KCNV2: variants seen among roughly 807,000 people sequenced by gnomAD.
The protein encoded by KCNV2 is potassium voltage-gated channel modifier subfamily V member 2.
Under a neutral mutation model 37.0 loss-of-function variants are expected in KCNV2, and 65 were observed. The observed-to-expected ratio is 1.76, with a 90% CI of 1.44 to 2.16. The LOEUF (loss-of-function observed/expected upper bound fraction) is 2.16. Among genes scored for constraint, KCNV2 ranks in the 30% most tolerant of loss-of-function variants. KCNV2 has a pLI of 0.00. For missense variants in KCNV2, 1,232 were observed against 766.7 expected (o/e 1.61, Z -7.17); for synonymous variants, 518 against 328.6 (o/e 1.58, Z -6.23).
intron 1 of KCNV2, among the ~76,000 whole-genome samples, chr9:2,724,383 A>C (rs1819935038): frequency 6.6e-6 from 1 of 152,230 alleles, no homozygotes; most frequent in Non-Finnish European, 1.5e-5. Flanking sequence ...TCAGGAAAAT[A>C]GATACCAAGG....
At chr9:2,719,185 G>A in intron 1 of KCNV2, 90 bp downstream of exon 1, 3 of 1,465,078 alleles carry the variant, frequency 2.0e-6, no homozygotes, top group Admixed American at 1.8e-5. Flanking sequence ...CCAGGCTTTG[G>A]CTTCTGATCC....
chr9:2,723,037 C>T (rs1283659135), intron 1 of KCNV2, among the ~76,000 whole-genome samples: 1 of 152,182 alleles, frequency 6.6e-6, no homozygotes, highest in Non-Finnish European at 1.5e-5. Flanking sequence ...GCCCACCCAC[C>T]ATAGGAGGGC....
chr9:2,718,632 T>G lies in KCNV2; in HGVS notation c.893T>G (p.Leu298Arg). 6.2e-7 allele frequency: 1 copy of G among 1,613,176 alleles called. No homozygotes were observed. Among genetic ancestry groups the G allele is most frequent in the Non-Finnish European group, 8.5e-7 (1 of 1,179,800 alleles). Residue 298 changes from leucine to arginine, a missense_variant, in exon 1 of 2, where the codon CTG becomes CGG. By Grantham distance (102) the Leu-to-Arg change is moderately radical. Coordinates refer to ENST00000382082, the MANE Select transcript of KCNV2 (RefSeq NM_133497.4). ...HSGQGEGGPD[L>R]RPILEHVEML... ...GGGCAGGGCGAGGGCGGCCCAGACC[T>G]GCGGCCCATCCTGGAGCACGTGGAG... is the stretch of plus-strand genomic sequence containing the variant.
chr9:2,720,813 T>C (rs1361505855), intron 1 of KCNV2, among the ~76,000 whole-genome samples: 2 of 152,236 alleles, frequency 1.3e-5, no homozygotes, highest in Non-Finnish European at 2.9e-5. Context: ...TGATAAAAGT[T>C]ATGTTACTTT....
At chr9:2,725,701 AAG>A (rs1423804484) in intron 1 of KCNV2, among the ~76,000 whole-genome samples, 2 of 152,032 alleles carry the variant, frequency 1.3e-5, no homozygotes, top group Admixed American at 1.3e-4. Flanking sequence ...GGAAAACAGA[AAG>A]AGTGTTATTT....
At position 2,718,933 on chromosome 9, in the gene KCNV2, T is replaced by C. The variant is rs761237693; in HGVS notation, c.1194T>C (p.Arg398=). Residue 398 remains arginine, a synonymous_variant, in exon 1 of 2, where the codon CGT becomes CGC. Coordinates refer to ENST00000382082, the MANE Select transcript of KCNV2 (RefSeq NM_133497.4). ...LKLARHSTGL[R]AFGFTLRQCY... is the part of the protein sequence containing the mutation. ...TGGCGCGCCACTCCACCGGACTGCG[T>C]GCCTTCGGCTTCACGCTGCGCCAGT... 1 of 1,609,532 alleles carries C rather than the reference T, an allele frequency of 6.2e-7. No individual in the cohort carries two copies. The highest frequency in any genetic ancestry group is 1.3e-5 in the African/African-American group (1 of 75,076).
intron 1 of KCNV2, chr9:2,720,520 T>C (rs1819847383): frequency 6.6e-6 from 1 of 152,214 alleles, no homozygotes; most frequent in Non-Finnish European, 1.5e-5. Context: ...TTCCAAGTGA[T>C]GAAAGGTCAT....
chr9:2,721,550 T>G (rs561174829), intron 1 of KCNV2, among the ~76,000 whole-genome samples: 1 of 152,180 alleles, frequency 6.6e-6, no homozygotes, highest in Non-Finnish European at 1.5e-5. Context: ...TAGGACCAAT[T>G]TGTCATATAA....
Position 2,718,995 on chromosome 9 carries a change from C to A in KCNV2, c.1256C>A (p.Ala419Asp). ...GTGGGCTGCCTGCTGCTCTTCATCG[C>A]CATGGGCATCTTCACTTTCTCTGCG... is the stretch of plus-strand genomic sequence containing the variant. ...QQVGCLLLFI[A>D]MGIFTFSAAV... The change falls in exon 1 of 2, where the codon GCC becomes GAC. Residue 419 changes from alanine to aspartate, a missense_variant. Physicochemically the swap from Ala to Asp is moderately radical, Grantham distance 126. Coordinates refer to ENST00000382082, the MANE Select transcript of KCNV2 (RefSeq NM_133497.4). The A allele has an allele frequency of 5.0e-6, 8 of 1,612,520 alleles. No homozygotes were observed. Among genetic ancestry groups the A allele is most frequent in the Non-Finnish European group, 6.8e-6 (8 of 1,180,034 alleles).
At position 2,727,136 on chromosome 9, in the gene KCNV2, C is replaced by A. The variant is rs960844378; in HGVS notation, c.1357-2310C>A. The stretch of plus-strand genomic sequence containing the variant: ...TAAACTTTCATCCAGAGGTGTGAGT[C>A]ATGGTGTTAGTGACAAATGAAAGCT... On this transcript the variant is annotated intron_variant, in intron 1 of 1. Transcript: ENST00000382082. Among the ~76,000 whole-genome samples, 3 of 152,102 alleles carry A rather than the reference C, an allele frequency of 2.0e-5. No homozygotes were observed. In the East Asian group the frequency reaches 5.8e-4, roughly 29 times the overall value.
At position 2,730,006 on chromosome 9, in the gene KCNV2, G is replaced by A. The variant is rs746989765; in HGVS notation, c.*279G>A. On this transcript the variant is annotated 3_prime_UTR_variant, in exon 2 of 2. Coordinates refer to ENST00000382082, the MANE Select transcript of KCNV2 (RefSeq NM_133497.4). ...TAGATTTTTCTTGTAGCTTCTCGTG[G>A]CATCTAGCTCAATAAATATTTTTGG... 2 of 404,330 alleles carry A rather than the reference G, an allele frequency of 4.9e-6. No individual in the cohort carries two copies. The allele number at this position is 404,330 out of a possible 1,614,324, so 25.0% of individuals were successfully genotyped here. A position where few individuals can be genotyped will look rare whatever the true frequency, so the allele number is the denominator to read the frequency against.
At chr9:2,724,849 A>G (rs943657486) in intron 1 of KCNV2, among the ~76,000 whole-genome samples, 1 of 152,238 alleles carries the variant, frequency 6.6e-6, no homozygotes, top group African/African-American at 2.4e-5. Context: ...CTGGAATTAT[A>G]AAATAAAATA....
intron 1 of KCNV2, among the ~76,000 whole-genome samples, chr9:2,724,397 A>G (rs561771197): frequency 6.6e-6 from 1 of 152,364 alleles, no homozygotes; most frequent in South Asian, 2.1e-4. Flanking sequence ...ACCAAGGTGA[A>G]TATTTCAAAC....
At chr9:2,720,674 G>A (rs1313160614) in intron 1 of KCNV2, 1 of 152,198 alleles carries the variant, frequency 6.6e-6, no homozygotes. Context: ...ACACTTGAGA[G>A]TCAAATTTCT....
chr9:2,718,079 G>A lies in KCNV2; in HGVS notation c.340G>A (p.Glu114Lys), dbSNP rs746873819. ...GGHSYQLDYC[E>K]LAGFPKTRLG... is the part of the protein sequence containing the mutation. ...CCACAGCTACCAGCTGGACTACTGC[G>A]AGCTGGCCGGCTTCCCCAAGACGCG... Residue 114 changes from glutamate to lysine, a missense_variant, in exon 1 of 2, where the codon GAG (glutamate) becomes AAG (lysine). Glu to Lys is a moderately conservative substitution (Grantham distance 56). Transcript: ENST00000382082. The A allele has an allele frequency of 1.6e-5, 26 of 1,601,268 alleles. No homozygotes were observed. Among genetic ancestry groups the A allele is most frequent in the South Asian group, 3.3e-5 (3 of 89,698 alleles).
At chr9:2,727,069 T>G (rs1819980375) in intron 1 of KCNV2, among the ~76,000 whole-genome samples, 1 of 152,146 alleles carries the variant, frequency 6.6e-6, no homozygotes, top group Admixed American at 6.5e-5. Context: ...CACTCACTCC[T>G]AAATCCAAAC....
chr9:2,729,983 G>C lies in KCNV2; in HGVS notation c.*256G>C. 4.4e-6 allele frequency: 2 copies of C among 456,756 alleles called. No individual in the cohort carries two copies. The highest frequency in any genetic ancestry group is 7.8e-6 in the Non-Finnish European group (2 of 256,464). The allele number at this position is 456,756 out of a possible 1,614,324, so 28.3% of individuals were successfully genotyped here. On this transcript the variant is annotated 3_prime_UTR_variant, in exon 2 of 2. Transcript: ENST00000382082. ...AAAACCTGAGGGGAGCAACAGCTTAGATTTTTCTTGTAGCTTCTCGTGGCA... is the reference window on the plus strand; with the variant it reads ...AAAACCTGAGGGGAGCAACAGCTTACATTTTTCTTGTAGCTTCTCGTGGCA...
At chr9:2,721,107 T>C (rs895357107) in intron 1 of KCNV2, among the ~76,000 whole-genome samples, 2 of 152,218 alleles carry the variant, frequency 1.3e-5, no homozygotes, top group Admixed American at 6.5e-5. Flanking sequence ...ATTGCTCTTA[T>C]CTGTATGAAT....
At position 2,717,618 on chromosome 9, in the gene KCNV2, G is replaced by C. The variant is rs1198248212; in HGVS notation, c.-122G>C. On this transcript the variant is annotated 5_prime_UTR_variant, in exon 1 of 2. Transcript: ENST00000382082. ...AATGTCTGAGCCCCTAGCTGTGCTG[G>C]TCCGGGCTGGCCTCTCTAAGACAGT... 1.4e-5 allele frequency: 18 copies of C among 1,280,670 alleles called. No homozygotes were observed. The African/African-American group carries it at 1.5e-4, about 10-fold the overall frequency. 79.3% of individuals were successfully genotyped at this position (1,280,670 alleles called of 1,614,324 possible). A position where few individuals can be genotyped will look rare whatever the true frequency, so the allele number is the denominator to read the frequency against.
Sources: gnomAD v4.1 joint callset for allele counts (sites outside exome capture counted in the v4.1 genomes callset) on GRCh38, gnomAD v4.1.1 for gene constraint, MANE v1.5 for transcripts, NCBI Gene and HGNC (gene_info 2026-07-23, HGNC 2026-07-21) for gene names.